Variants in TMEM132D observed in about 807,000 individuals in gnomAD.
TMEM132D encodes the protein mature OL transmembrane protein.
Under a neutral mutation model 62.3 loss-of-function variants are expected in TMEM132D, and 21 were observed. The observed-to-expected ratio is 0.34, with a 90% CI of 0.24 to 0.49. The LOEUF (loss-of-function observed/expected upper bound fraction) is 0.49. TMEM132D is among the 20% of genes least tolerant of loss of function. The pLI, the probability that TMEM132D is intolerant of heterozygous loss-of-function variation, is 0.99. For missense variants in TMEM132D, 1,346 were observed against 1,402.8 expected, an observed-to-expected ratio of 0.96 and a Z score of 0.65; for synonymous variants, 621 against 575.6, an observed-to-expected ratio of 1.08 and a Z score of -1.13.
Position 129,072,868 on chromosome 12 carries a change from T to G in TMEM132D, c.*1007A>C, listed in dbSNP as rs995109201. The G allele has an allele frequency of 6.6e-6, 1 of 152,182 alleles. No homozygotes were observed. Among genetic ancestry groups the G allele is most frequent in the Non-Finnish European group, 1.5e-5 (1 of 68,048 alleles). The allele number at this position is 152,182 out of a possible 1,614,324, so 9.4% of individuals were successfully genotyped here. A position where few individuals can be genotyped will look rare whatever the true frequency, so the allele number is the denominator to read the frequency against. On this transcript the variant is annotated 3_prime_UTR_variant, in exon 9 of 9. Coordinates refer to ENST00000422113, the MANE Select transcript of TMEM132D (RefSeq NM_133448.3). ...TGGAATTCACCGTGACTACCGCCCA[T>G]GCCTAGAGACCAGCCTCTTCAAAGA...
intron 4 of TMEM132D, among the ~76,000 whole-genome samples, chr12:129,281,781 C>T (rs180971175): frequency 6.6e-6 from 1 of 152,302 alleles, no homozygotes; most frequent in East Asian, 1.9e-4. Context: ...CTGCCTTTGG[C>T]CAGCCAGTGG....
At chr12:129,308,095 T>C (rs1881886098) in intron 4 of TMEM132D, among the ~76,000 whole-genome samples, 1 of 152,210 alleles carries the variant, frequency 6.6e-6, no homozygotes, top group Non-Finnish European at 1.5e-5. Flanking sequence ...GACACCTCTT[T>C]AGTTCTTCAA....
chr12:129,126,415 C>G (rs1876216755), intron 5 of TMEM132D, among the ~76,000 whole-genome samples: 1 of 147,342 alleles, frequency 6.8e-6, no homozygotes, highest in African/African-American at 2.5e-5. Flanking sequence ...TTCAACCTTT[C>G]TCCCAGCATG....
intron 1 of TMEM132D, among the ~76,000 whole-genome samples, chr12:129,820,009 A>T (rs1428884105): frequency 6.6e-6 from 1 of 152,062 alleles, no homozygotes; most frequent in Non-Finnish European, 1.5e-5. Context: ...GGTTTCTCTC[A>T]GCCCTTCCTC....
intron 1 of TMEM132D, among the ~76,000 whole-genome samples, chr12:129,858,801 A>G (rs111440836): frequency 0.014 from 560 of 40,038 alleles, 2 homozygotes; most frequent in Non-Finnish European, 0.019. Flanking sequence ...GAGTCCGGGG[A>G]AACGGGATGG....
At chr12:129,136,670 C>T (rs1028452126) in intron 5 of TMEM132D, among the ~76,000 whole-genome samples, 30 of 151,872 alleles carry the variant, frequency 2.0e-4, no homozygotes, top group African/African-American at 7.0e-4. Flanking sequence ...CCATCAGTAC[C>T]ATCATCACTG....
intron 1 of TMEM132D, among the ~76,000 whole-genome samples, chr12:129,786,521 G>A (rs1262913395): frequency 6.6e-6 from 1 of 152,208 alleles, no homozygotes; most frequent in Non-Finnish European, 1.5e-5. Flanking sequence ...TACGTGTAAT[G>A]TTGTGTTTCT....
chr12:129,850,958 A>C (rs940843797), intron 1 of TMEM132D, among the ~76,000 whole-genome samples: 2 of 152,238 alleles, frequency 1.3e-5, no homozygotes, highest in Non-Finnish European at 2.9e-5. Flanking sequence ...AGATTCCACC[A>C]GGATGAACAT....
chr12:129,133,015 C>T (rs1876424347), intron 5 of TMEM132D, among the ~76,000 whole-genome samples: 1 of 152,180 alleles, frequency 6.6e-6, no homozygotes, highest in African/African-American at 2.4e-5. Context: ...CAGGTGCTGC[C>T]TGAGTGTGCC....
chr12:129,475,834 A>T (rs918877886), intron 3 of TMEM132D, among the ~76,000 whole-genome samples: 3 of 152,196 alleles, frequency 2.0e-5, no homozygotes, highest in Admixed American at 2.0e-4. Context: ...TATTCTGGAA[A>T]GTTGAACAAC....
At chr12:129,754,179 C>A (rs953697492) in intron 1 of TMEM132D, among the ~76,000 whole-genome samples, 1 of 152,308 alleles carries the variant, frequency 6.6e-6, no homozygotes, top group East Asian at 1.9e-4. Flanking sequence ...GGATTCTTCA[C>A]CCCGCCTGAC....
chr12:129,186,220 G>T (rs1300715565), intron 5 of TMEM132D, among the ~76,000 whole-genome samples: 1 of 152,162 alleles, frequency 6.6e-6, no homozygotes, highest in Non-Finnish European at 1.5e-5. Context: ...TGAGCAAAAG[G>T]CCACCTTGGT....
chr12:129,432,206 CATGGATGGATGGATGCTTGGATGGATGG>C (rs1872677100), intron 3 of TMEM132D, among the ~76,000 whole-genome samples: 1 of 59,954 alleles, frequency 1.7e-5, no homozygotes. Context: ...TGGATGGTTG[CATGGATGGATGGATGCTTGGATGGATGG>C]ATGGATGGAT....
chr12:129,466,547 C>T (rs1488095616), intron 3 of TMEM132D, among the ~76,000 whole-genome samples: 3 of 152,058 alleles, frequency 2.0e-5, no homozygotes, highest in Non-Finnish European at 4.4e-5. Context: ...CTCCTCATAA[C>T]AACTGTTATG....
chr12:129,723,245 A>G (rs1018198305), intron 1 of TMEM132D, among the ~76,000 whole-genome samples: 1 of 152,226 alleles, frequency 6.6e-6, no homozygotes, highest in Non-Finnish European at 1.5e-5. Context: ...AATCTTTCAT[A>G]TAACAGAAGA....
intron 3 of TMEM132D, among the ~76,000 whole-genome samples, chr12:129,419,358 C>T (rs997413224): frequency 1.3e-5 from 2 of 152,092 alleles, no homozygotes; most frequent in African/African-American, 4.8e-5. Context: ...CATGGGACCT[C>T]CTGCAAGAGG....
In TMEM132D at chr12:129,287,057, A is replaced by G. The variant is rs566460007; in HGVS notation, c.1299+50577T>C. On this transcript the variant is annotated intron_variant, in intron 4 of 8. Transcript: ENST00000422113. ...AGTGAGACTCTGTCAAAAAAAAAAA[A>G]GGGAGAAAAGGGGCCAGGGATTATT... Among the ~76,000 whole-genome samples, 8 of 151,502 alleles carry G rather than the reference A, an allele frequency of 5.3e-5. No homozygotes were observed. In the East Asian group the frequency reaches 7.8e-4, roughly 15 times the overall value.
At chr12:129,596,454 C>T (rs2137139147) in intron 2 of TMEM132D, among the ~76,000 whole-genome samples, 1 of 152,078 alleles carries the variant, frequency 6.6e-6, no homozygotes, top group African/African-American at 2.4e-5. Flanking sequence ...ACAGTTGTCC[C>T]TTGGTATCGG....
At chr12:129,473,318 GTTTTTGTT>G (rs1874150524) in intron 3 of TMEM132D, among the ~76,000 whole-genome samples, 4 of 57,760 alleles carry the variant, frequency 6.9e-5, no homozygotes, top group Non-Finnish European at 1.3e-4. Context: ...AGTGATTTTA[GTTTTTGTT>G]TTTTTTTTTT....
Sources: allele counts gnomAD v4.1 joint callset (sites outside exome capture counted in the v4.1 genomes callset), GRCh38; gene constraint gnomAD v4.1.1; transcripts MANE v1.5; gene names NCBI Gene and HGNC (gene_info 2026-07-23, HGNC 2026-07-21).